The following SPDYE10 variants were observed in gnomAD, a reference collection of about 807,000 sequenced individuals.
SPDYE10 encodes the protein speedy/RINGO cell cycle regulator family member E10.
At chr7:73,147,761 C>G in the SPDYE10 span, among the ~76,000 whole-genome samples, 4 of 151,044 alleles carry the variant, frequency 2.6e-5, no homozygotes, top group African/African-American at 9.9e-5. Flanking sequence ...TCCCGAAGTG[C>G]TGGGATTACA....
chr7:73,115,131 G>A, the SPDYE10 span, among the ~76,000 whole-genome samples: 2 of 151,664 alleles, frequency 1.3e-5, no homozygotes, highest in Admixed American at 6.6e-5. Context: ...CCTGACCTCA[G>A]ATGAACCACC....
At chr7:73,137,828 GA>G in the SPDYE10 span, among the ~76,000 whole-genome samples, 227 of 54,854 alleles carry the variant, frequency 4.1e-3, no homozygotes, top group Middle Eastern at 0.015. Context: ...GGAAGGAGAG[GA>G]GAAGGGGAGG....
chr7:73,115,070 T>C, the SPDYE10 span, among the ~76,000 whole-genome samples: 5 of 152,120 alleles, frequency 3.3e-5, no homozygotes, highest in African/African-American at 9.7e-5. Context: ...CTAATTTCTG[T>C]ATTTTTGTAG....
the SPDYE10 span, among the ~76,000 whole-genome samples, chr7:73,127,310 G>T: frequency 2.4e-5 from 2 of 83,876 alleles, no homozygotes; most frequent in East Asian, 4.8e-4. Context: ...CAGCACTTTG[G>T]GAGGCCGATG....
the SPDYE10 span, among the ~76,000 whole-genome samples, chr7:73,134,978 GAGAT>G: frequency 2.6e-5 from 4 of 152,300 alleles, no homozygotes; most frequent in African/African-American, 9.6e-5. Flanking sequence ...GGTGCAGAGA[GAGAT>G]AGGAGGGAAA....
At chr7:73,137,593 TGAAA>T in the SPDYE10 span, among the ~76,000 whole-genome samples, 20,550 of 70,018 alleles carry the variant, frequency 0.29, 703 homozygotes, top group Middle Eastern at 0.33. Context: ...AAAGAAGAGA[TGAAA>T]GAAAGAAAGA....
At chr7:73,154,910 G>C in the SPDYE10 span, 1 of 153,610 alleles carries the variant, frequency 6.5e-6, no homozygotes, top group Non-Finnish European at 1.5e-5. Flanking sequence ...AGCGGGGACC[G>C]GCGTTTGAGT....
At chr7:73,131,228 C>A in the SPDYE10 span, among the ~76,000 whole-genome samples, 2 of 134,606 alleles carry the variant, frequency 1.5e-5, no homozygotes, top group African/African-American at 6.2e-5. Flanking sequence ...AAAAGGTGTT[C>A]TTGAGAGCAA....
At chr7:73,126,943 A>T in the SPDYE10 span, among the ~76,000 whole-genome samples, 2 of 81,040 alleles carry the variant, frequency 2.5e-5, no homozygotes, top group Middle Eastern at 0.012. Flanking sequence ...TTGGAGATGG[A>T]GTTTCACTCT....
chr7:73,129,846 GTTGTTTGT>G, the SPDYE10 span, among the ~76,000 whole-genome samples: 1 of 152,156 alleles, frequency 6.6e-6, no homozygotes, highest in Non-Finnish European at 1.5e-5. Context: ...AATATCACTT[GTTGTTTGT>G]TTGTTTGTTG....
the SPDYE10 span, among the ~76,000 whole-genome samples, chr7:73,138,439 T>C: frequency 2.7e-5 from 4 of 150,738 alleles, no homozygotes; most frequent in African/African-American, 7.4e-5. Context: ...AGTGCAGTGG[T>C]GCAATCTCAG....
the SPDYE10 span, among the ~76,000 whole-genome samples, chr7:73,131,129 T>G: frequency 8.8e-6 from 1 of 113,704 alleles, no homozygotes. Context: ...AACCCAGGAG[T>G]TAAGAGGCTG....
chr7:73,137,658 GAGAA>G, the SPDYE10 span, among the ~76,000 whole-genome samples: 80 of 125,432 alleles, frequency 6.4e-4, no homozygotes, highest in Non-Finnish European at 7.5e-4. Context: ...AGAAAGAAAA[GAGAA>G]AGAAAGAAAG....
chr7:73,114,884 T>G, the SPDYE10 span, among the ~76,000 whole-genome samples: 9 of 143,182 alleles, frequency 6.3e-5, no homozygotes, highest in African/African-American at 2.3e-4. Flanking sequence ...CAGAGTCAGC[T>G]CCACAGCGGG....
At chr7:73,141,169 T>C in the SPDYE10 span, among the ~76,000 whole-genome samples, 1 of 152,018 alleles carries the variant, frequency 6.6e-6, no homozygotes, top group Non-Finnish European at 1.5e-5. Flanking sequence ...TGGGTCTTAG[T>C]TGCAATCAAC....
chr7:73,113,929 G>C, the SPDYE10 span, among the ~76,000 whole-genome samples: 18 of 152,054 alleles, frequency 1.2e-4, no homozygotes, highest in African/African-American at 3.6e-4. Flanking sequence ...AGGAGGCTGA[G>C]GCAGGAGAAT....
At chr7:73,113,848 A>G in the SPDYE10 span, among the ~76,000 whole-genome samples, 1 of 151,930 alleles carries the variant, frequency 6.6e-6, no homozygotes, top group Non-Finnish European at 1.5e-5. Flanking sequence ...ATCCTGGCTA[A>G]CACCCCATCT....
At chr7:73,152,113 C>T in the SPDYE10 span, among the ~76,000 whole-genome samples, 2 of 143,196 alleles carry the variant, frequency 1.4e-5, no homozygotes, top group Non-Finnish European at 3.0e-5. Context: ...CTCCCAGGTT[C>T]AAGTGATTCT....
chr7:73,131,296 C>T, the SPDYE10 span, among the ~76,000 whole-genome samples: 1 of 147,970 alleles, frequency 6.8e-6, no homozygotes, highest in Non-Finnish European at 1.5e-5. Context: ...TAAGCTTCCA[C>T]TGAGCCCAGG....
Sources: allele counts gnomAD v4.1 joint callset (sites outside exome capture counted in the v4.1 genomes callset), GRCh38; gene constraint gnomAD v4.1.1; transcripts MANE v1.5; gene names NCBI Gene and HGNC (gene_info 2026-07-23, HGNC 2026-07-21).